COL4A2: variants seen among roughly 807,000 people sequenced by gnomAD.
The protein encoded by COL4A2 is collagen alpha-2(IV) chain.
In COL4A2, 99 loss-of-function variants were observed where a neutral mutation model predicts 200.2. That is an observed-to-expected ratio of 0.49 (90% CI 0.42 to 0.58). The LOEUF is 0.58. Among genes scored for constraint, COL4A2 ranks in the 20% least tolerant of loss-of-function variants. COL4A2 has a pLI of 0.00. For missense variants in COL4A2, 1,950 were observed against 2,314.1 expected (o/e 0.84, Z 3.23); for synonymous variants, 897 against 900.6 (o/e 1.00, Z 0.07).
In COL4A2 at chr13:110,424,963, G is replaced by A; in HGVS notation, c.326G>A (p.Gly109Asp). The A allele has an allele frequency of 1.2e-6, 2 of 1,614,236 alleles. No individual in the cohort carries two copies. Among genetic ancestry groups the A allele is most frequent in the Non-Finnish European group, 1.7e-6 (2 of 1,180,052 alleles). The change falls in exon 6 of 48, where the codon GGC (glycine) becomes GAC (aspartate). Residue 109 changes from glycine (G) to aspartate (D), a missense_variant. This residue lies in a region of COL4A2 where 565 missense variants were observed against 593.5 expected (regional missense o/e 0.95). Transcript: ENST00000360467. ...TGPKGDVGAR[G>D]VSGFPGADGI... is the part of the protein sequence containing the mutation. ...TTGCTTTCTTCATAGGGAGCAAGAG[G>A]CGTTTCTGGATTCCCTGGTGCCGAT...
intron 28 of COL4A2, among the ~76,000 whole-genome samples, chr13:110,472,641 A>T (rs1053709025): frequency 6.6e-6 from 1 of 152,088 alleles, no homozygotes; most frequent in Non-Finnish European, 1.5e-5. Flanking sequence ...GAACCCATGA[A>T]TTATGCAAAT....
intron 31 of COL4A2, among the ~76,000 whole-genome samples, chr13:110,481,949 G>GTGCTGGAGACACACTGTTCTGTCCCTCCA: frequency 1.0e-5 from 1 of 97,276 alleles, no homozygotes; most frequent in South Asian, 2.8e-4. Context: ...CTGTCCCTCC[G>GTGCTGGAGACACACTGTTCTGTCCCTCCA]TGCTGGAGAC....
At chr13:110,346,804 T>A (rs1876723132) in intron 3 of COL4A2, among the ~76,000 whole-genome samples, 1 of 152,176 alleles carries the variant, frequency 6.6e-6, no homozygotes, top group African/African-American at 2.4e-5. Flanking sequence ...CATGTGAGTC[T>A]CCACCCAGCA....
chr13:110,336,651 G>A (rs1876205361), intron 3 of COL4A2, among the ~76,000 whole-genome samples: 1 of 152,126 alleles, frequency 6.6e-6, no homozygotes, highest in South Asian at 2.1e-4. Context: ...TTTTGCTTGG[G>A]GAATATAGGA....
chr13:110,511,927 T>C lies in COL4A2; in HGVS notation c.4882-7T>C, dbSNP rs116548600. On this transcript the variant is annotated splice_polypyrimidine_tract_variant and splice_region_variant and intron_variant, in intron 47 of 47. Transcript: ENST00000360467. ...CCTAACCCTGTCCTGCCCCCCTCTCTGTGCAGCACACGGCGGCGGGAGACG... is the reference window on the plus strand; with the variant it reads ...CCTAACCCTGTCCTGCCCCCCTCTCCGTGCAGCACACGGCGGCGGGAGACG... 8.1e-4 allele frequency: 1,310 copies of C among 1,613,460 alleles called. 12 individuals carry two copies. The African/African-American group carries it at 0.015, about 18-fold the overall frequency.
At chr13:110,502,410 C>T (rs1883677708) in intron 41 of COL4A2, among the ~76,000 whole-genome samples, 2 of 152,154 alleles carry the variant, frequency 1.3e-5, no homozygotes, top group South Asian at 2.1e-4. Flanking sequence ...CTGCAATCTC[C>T]GCCTCCCGGG....
chr13:110,503,816 G>A (rs1229116122), intron 43 of COL4A2, 31 bp from the exon 44 acceptor site: 2 of 1,613,710 alleles, frequency 1.2e-6, no homozygotes, highest in African/African-American at 2.7e-5. Flanking sequence ...GACCTTGTGT[G>A]TTTACTGGGG....
At chr13:110,485,920 G>A (rs561360330) in intron 34 of COL4A2, 84 bp downstream of exon 34, 28 of 1,565,470 alleles carry the variant, frequency 1.8e-5, no homozygotes, top group South Asian at 1.7e-4. Context: ...TCTGGAATTT[G>A]CTAGGGTGAG....
chr13:110,419,669 G>T (rs1008177271), intron 4 of COL4A2, among the ~76,000 whole-genome samples: 3 of 152,164 alleles, frequency 2.0e-5, no homozygotes, highest in African/African-American at 7.2e-5. Context: ...GTCTGGATTT[G>T]TTGCCTTTTC....
intron 4 of COL4A2, among the ~76,000 whole-genome samples, chr13:110,382,538 G>A (rs1450095457): frequency 3.3e-5 from 5 of 152,154 alleles, no homozygotes; most frequent in Non-Finnish European, 7.3e-5. Flanking sequence ...TGGTAACTCT[G>A]TGCGTAAACT....
At chr13:110,332,425 A>T (rs889363733) in intron 3 of COL4A2, among the ~76,000 whole-genome samples, 1 of 152,210 alleles carries the variant, frequency 6.6e-6, no homozygotes, top group African/African-American at 2.4e-5. Flanking sequence ...CAAATGCAAG[A>T]GGGATGTAAA....
chr13:110,308,007 T>C, intron 2 of COL4A2, 60 bp downstream of exon 2: 2 of 1,610,882 alleles, frequency 1.2e-6, no homozygotes, highest in Non-Finnish European at 1.7e-6. Context: ...TCGGTGTAAC[T>C]CTCGGGGACT....
Position 110,485,544 on chromosome 13 carries a change from A to G in COL4A2, c.3026-111A>G, listed in dbSNP as rs11619327. On this transcript the variant is annotated intron_variant, in intron 33 of 47. Coordinates refer to ENST00000360467, the MANE Select transcript of COL4A2 (RefSeq NM_001846.4). The stretch of plus-strand genomic sequence containing the variant: ...TCTCAAAAAAAAAAAAAAAAAAAAA[A>G]AAGATTCACAGCACGTAGGACAGCA... The G allele has an allele frequency of 0.27, 156,826 of 573,948 alleles. 21,922 individuals are homozygous for G. The highest frequency in any genetic ancestry group is 0.32 in the Admixed American group (9,091 of 27,976). The allele number at this position is 573,948 out of a possible 1,614,324, so 35.6% of individuals were successfully genotyped here. A position where few individuals can be genotyped will look rare whatever the true frequency, so the allele number is the denominator to read the frequency against.
At chr13:110,412,040 G>C (rs1353032619) in intron 4 of COL4A2, among the ~76,000 whole-genome samples, 1 of 152,160 alleles carries the variant, frequency 6.6e-6, no homozygotes, top group African/African-American at 2.4e-5. Flanking sequence ...CCCAACCAGG[G>C]GTCAAAGCTA....
rs572439051 is a variant in COL4A2, at chr13:110,323,091, T to C, written c.99+14968T>C. ...TGTTGCACAGTCTAGGAGGAGCAAG[T>C]AGACAAAGATAGGGATCCACTGATT... On this transcript the variant is annotated intron_variant, in intron 3 of 47. Coordinates refer to ENST00000360467, the MANE Select transcript of COL4A2 (RefSeq NM_001846.4). Among the ~76,000 whole-genome samples the C allele has an allele frequency of 5.9e-5, 9 of 152,288 alleles. No homozygotes were observed. The South Asian group carries it at 1.9e-3, about 32-fold the overall frequency.
intron 3 of COL4A2, among the ~76,000 whole-genome samples, chr13:110,317,357 CAT>C (rs34125710): frequency 0.12 from 18,400 of 152,102 alleles, 1,544 homozygotes; most frequent in Non-Finnish European, 0.18. Context: ...CACAGAAACA[CAT>C]GTACACACAC....
chr13:110,395,760 T>C (rs1205403805), intron 4 of COL4A2, among the ~76,000 whole-genome samples: 17 of 152,178 alleles, frequency 1.1e-4, no homozygotes, highest in Non-Finnish European at 1.3e-4. Flanking sequence ...GCCTGGCCAA[T>C]ATGACGAAAC....
chr13:110,357,520 G>T lies in COL4A2; in HGVS notation c.148G>T (p.Gly50Cys). The T allele has an allele frequency of 6.3e-7, 1 of 1,592,348 alleles. No individual in the cohort carries two copies. Among genetic ancestry groups the T allele is most frequent in the East Asian group, 2.3e-5 (1 of 44,068 alleles). ...VPCGGRDCSG[G>C]CQCYPEKGGR... ...GTGTGGAGGAAGAGATTGCAGTGGG[G>T]GCTGCCAGTGCTACCCTGAGAAAGG... Residue 50 changes from glycine (G) to cysteine (C), a missense_variant, in exon 4 of 48, where the codon GGC becomes TGC. Gly to Cys is a radical substitution (Grantham distance 159). Transcript: ENST00000360467.
At chr13:110,371,969 TG>T (rs1312365853) in intron 4 of COL4A2, among the ~76,000 whole-genome samples, 1 of 152,044 alleles carries the variant, frequency 6.6e-6, no homozygotes, top group African/African-American at 2.4e-5. Context: ...CAGGAGTGGG[TG>T]GACAAGGCCG....
Sources: gnomAD v4.1 joint callset for allele counts (sites outside exome capture counted in the v4.1 genomes callset) on GRCh38, gnomAD v4.1.1 for gene constraint, gnomAD v4.1.1 regional missense constraint, MANE v1.5 for transcripts, NCBI Gene and HGNC (gene_info 2026-07-23, HGNC 2026-07-21) for gene names.